The following HYCC2 variants were observed in gnomAD, a reference collection of about 807,000 sequenced individuals.
HYCC2 encodes hyccin PI4KA lipid kinase complex subunit 2, also known as hyccin 2.
the HYCC2 span, among the ~76,000 whole-genome samples, chr2:200,983,460 T>C: frequency 3.3e-5 from 5 of 152,310 alleles, no homozygotes; most frequent in South Asian, 1.0e-3. Context: ...TTCTTCCTTC[T>C]AAAGAATGAA....
chr2:200,977,406 C>T, the HYCC2 span: 2 of 152,256 alleles, frequency 1.3e-5, no homozygotes, highest in East Asian at 3.9e-4. Flanking sequence ...GCTAGATTAT[C>T]TCCAGGGTTT....
chr2:200,992,247 G>C, the HYCC2 span: 5 of 1,260,828 alleles, frequency 4.0e-6, no homozygotes, highest in South Asian at 1.2e-5. Context: ...TTAGGTACCA[G>C]TATATTTAAT....
the HYCC2 span, chr2:200,981,146 A>T: frequency 8.6e-7 from 1 of 1,158,186 alleles, no homozygotes; most frequent in Non-Finnish European, 1.2e-6. This position sits in a 1 kb window ranked among gnomAD's most constrained non-coding sequence, Gnocchi z 4.5. Context: ...GTATGAAGAT[A>T]CCTAAACTAA....
chr2:201,062,112 T>C, the HYCC2 span, among the ~76,000 whole-genome samples: 1 of 151,928 alleles, frequency 6.6e-6, no homozygotes, highest in African/African-American at 2.4e-5. Flanking sequence ...CTCAAAAAAT[T>C]ATAAAATAAA....
At chr2:201,004,081 G>A in the HYCC2 span, among the ~76,000 whole-genome samples, 1 of 152,122 alleles carries the variant, frequency 6.6e-6, no homozygotes. Flanking sequence ...CTCCCCAAGT[G>A]CTGGGATTAC....
chr2:201,026,021 A>C, the HYCC2 span, among the ~76,000 whole-genome samples: 1 of 152,298 alleles, frequency 6.6e-6, no homozygotes, highest in Non-Finnish European at 1.5e-5. Context: ...CAGACTGGCA[A>C]ATTGGATAAA....
chr2:200,976,278 T>A, the HYCC2 span: 1 of 152,156 alleles, frequency 6.6e-6, no homozygotes, highest in Admixed American at 6.5e-5. Flanking sequence ...ATCATTGGCA[T>A]GACCCGTTAA....
At chr2:201,058,570 G>A in the HYCC2 span, among the ~76,000 whole-genome samples, 3 of 152,264 alleles carry the variant, frequency 2.0e-5, no homozygotes, top group South Asian at 6.2e-4. Flanking sequence ...CAGGCATCGT[G>A]GCGCATGCCT....
At chr2:201,038,703 A>G in the HYCC2 span, among the ~76,000 whole-genome samples, 1 of 152,046 alleles carries the variant, frequency 6.6e-6, no homozygotes, top group Non-Finnish European at 1.5e-5. Flanking sequence ...ATGAAAACAC[A>G]TCGACACAGG....
the HYCC2 span, among the ~76,000 whole-genome samples, chr2:201,032,979 GA>G: frequency 6.6e-6 from 1 of 151,512 alleles, no homozygotes; most frequent in East Asian, 1.9e-4. Flanking sequence ...TGTTTTAGGA[GA>G]AATGTATAAA....
the HYCC2 span, among the ~76,000 whole-genome samples, chr2:201,038,718 G>A: frequency 1.3e-5 from 2 of 152,012 alleles, no homozygotes; most frequent in Non-Finnish European, 2.9e-5. Flanking sequence ...CACAGGAAGG[G>A]GAACATCACA....
At chr2:201,058,130 C>T in the HYCC2 span, among the ~76,000 whole-genome samples, 2 of 152,186 alleles carry the variant, frequency 1.3e-5, no homozygotes, top group Non-Finnish European at 2.9e-5. Context: ...CCCTCCCCTT[C>T]TTCCAACACT....
chr2:200,992,597 A>G, the HYCC2 span, among the ~76,000 whole-genome samples: 5 of 152,302 alleles, frequency 3.3e-5, no homozygotes, highest in South Asian at 1.0e-3. Context: ...TTACATGCTG[A>G]TATTTAGAGT....
the HYCC2 span, among the ~76,000 whole-genome samples, chr2:201,059,875 G>A: frequency 3.3e-5 from 5 of 152,122 alleles, no homozygotes; most frequent in East Asian, 1.9e-4. Context: ...GTGAAACCCC[G>A]TCTCTACTAA....
chr2:201,032,112 C>A, the HYCC2 span, among the ~76,000 whole-genome samples: 4 of 152,106 alleles, frequency 2.6e-5, no homozygotes, highest in Non-Finnish European at 5.9e-5. Context: ...AGGCATGTGC[C>A]ACCATGCCCG....
chr2:201,042,493 C>A, the HYCC2 span, among the ~76,000 whole-genome samples: 1 of 151,670 alleles, frequency 6.6e-6, no homozygotes, highest in Non-Finnish European at 1.5e-5. Context: ...CCCGCCGCGA[C>A]CCCGTCTGGG....
chr2:201,007,537 G>A, the HYCC2 span, among the ~76,000 whole-genome samples: 16 of 152,222 alleles, frequency 1.1e-4, no homozygotes, highest in African/African-American at 3.9e-4. Context: ...ACCTTAAGTT[G>A]AACCATAATA....
At chr2:201,009,826 A>G in the HYCC2 span, among the ~76,000 whole-genome samples, 3 of 151,468 alleles carry the variant, frequency 2.0e-5, no homozygotes, top group African/African-American at 7.3e-5. Context: ...CATCCAGGCC[A>G]GGCGCGGTGG....
the HYCC2 span, chr2:200,987,598 C>T: frequency 8.3e-7 from 1 of 1,211,418 alleles, no homozygotes; most frequent in Non-Finnish European, 1.1e-6. Context: ...GCATTTTGAC[C>T]CAGGCAGATA....
Sources: allele counts gnomAD v4.1 joint callset (sites outside exome capture counted in the v4.1 genomes callset), GRCh38; gene constraint gnomAD v4.1.1; non-coding constraint Gnocchi (gnomAD v3.1); transcripts MANE v1.5; gene names NCBI Gene and HGNC (gene_info 2026-07-23, HGNC 2026-07-21).